Variants in TESC observed in about 807,000 individuals in gnomAD.
TESC encodes the protein tescalcin, also known as calcineurin B homologous protein 3.
In TESC, 19 loss-of-function variants were observed where a neutral mutation model predicts 31.0. The observed-to-expected ratio is 0.61, with a 90% CI of 0.43 to 0.90. The LOEUF is 0.90. TESC is among the 40% of genes least tolerant of loss of function. TESC has a pLI of 0.00. For synonymous variants in TESC, 109 were observed against 114.8 expected (o/e 0.95, Z 0.32); for missense variants, 248 against 303.8 (o/e 0.82, Z 1.36).
At chr12:117,093,422 T>C (rs1955342271) in intron 1 of TESC, among the ~76,000 whole-genome samples, 1 of 152,090 alleles carries the variant, frequency 6.6e-6, no homozygotes, top group African/African-American at 2.4e-5. Context: ...AATCCGACTC[T>C]CTTTTTTTCT....
intron 3 of TESC, among the ~76,000 whole-genome samples, chr12:117,051,184 C>T (rs888688724): frequency 3.3e-5 from 5 of 152,186 alleles, no homozygotes; most frequent in African/African-American, 1.2e-4. Context: ...ACCCAGGGCA[C>T]GACTGCACCT....
intron 3 of TESC, among the ~76,000 whole-genome samples, chr12:117,055,061 T>G (rs1163517843): frequency 6.6e-6 from 1 of 152,182 alleles, no homozygotes; most frequent in Non-Finnish European, 1.5e-5. Context: ...CTGGCCAAAG[T>G]GCACACCTCT....
chr12:117,056,813 C>A lies in TESC; in HGVS notation c.202G>T (p.Asp68Tyr), dbSNP rs1243111559. ...IRSKIVRAFFDNRNLRKGPSG... is the reference protein window; with the variant it reads ...IRSKIVRAFFYNRNLRKGPSG... ...TCAGGGGAAAACGCCCACCTGTTGTCGAAGAAGGCACGAACAATTTTGGAT... is the reference window on the plus strand; with the variant it reads ...TCAGGGGAAAACGCCCACCTGTTGTAGAAGAAGGCACGAACAATTTTGGAT... Residue 68 changes from aspartate to tyrosine, a missense_variant, in exon 3 of 8, where the codon GAC becomes TAC. Coordinates refer to ENST00000335209, the MANE Select transcript of TESC (RefSeq NM_017899.4). 5.0e-6 allele frequency: 8 copies of A among 1,613,952 alleles called. No homozygotes were observed. Among genetic ancestry groups the A allele is most frequent in the Non-Finnish European group, 6.8e-6 (8 of 1,180,010 alleles).
At chr12:117,073,178 C>T (rs924984622) in intron 2 of TESC, among the ~76,000 whole-genome samples, 3 of 152,194 alleles carry the variant, frequency 2.0e-5, no homozygotes, top group African/African-American at 7.2e-5. Flanking sequence ...CGCCCTCCAT[C>T]CCTGTCCTTG....
intron 1 of TESC, among the ~76,000 whole-genome samples, chr12:117,097,551 A>G (rs1955411912): frequency 6.6e-6 from 1 of 152,242 alleles, no homozygotes; most frequent in Non-Finnish European, 1.5e-5. Context: ...GAGAGGGCAC[A>G]TGAGAAATAA....
intron 2 of TESC, among the ~76,000 whole-genome samples, chr12:117,073,082 C>A (rs1388755784): frequency 6.6e-6 from 1 of 152,236 alleles, no homozygotes; most frequent in Non-Finnish European, 1.5e-5. Context: ...CCCGCTAGAT[C>A]TCAGTGCCTG....
At position 117,066,211 on chromosome 12, in the gene TESC, T is replaced by C. The variant is rs1254896731; in HGVS notation, c.128+9060A>G. 8.6e-4 allele frequency among the ~76,000 whole-genome samples: 113 copies of C among 130,830 alleles called. 5 individuals are homozygous for C. The highest frequency in any genetic ancestry group is 3.5e-3 in the African/African-American group (110 of 31,866). The allele number at this position is 130,830 out of a possible 152,430, so 85.8% of individuals were successfully genotyped here. ...TTTCCTTCCTTTAGCTTTTTTTTTTTTTTTTTTTTTTTTGGGGCAGGGCTT... is the reference window on the plus strand; with the variant it reads ...TTTCCTTCCTTTAGCTTTTTTTTTTCTTTTTTTTTTTTTGGGGCAGGGCTT... On this transcript the variant is annotated intron_variant, in intron 2 of 7. Transcript: ENST00000335209.
At chr12:117,093,144 T>C (rs1294313903) in intron 1 of TESC, among the ~76,000 whole-genome samples, 10 of 152,168 alleles carry the variant, frequency 6.6e-5, no homozygotes, top group African/African-American at 2.4e-4. Flanking sequence ...GCTACAGTTG[T>C]TGGGGTGCTC....
chr12:117,046,608 A>G lies in TESC; in HGVS notation c.470T>C (p.Ile157Thr), dbSNP rs1347309919. The change falls in exon 6 of 8, where the codon ATC (isoleucine) becomes ACC (threonine). Residue 157 changes from isoleucine to threonine, a missense_variant. Coordinates refer to ENST00000335209, the MANE Select transcript of TESC (RefSeq NM_017899.4). Reference protein sequence around the residue: ...PHIEKESARSIADGAMMEAAS... With the variant: ...PHIEKESARSTADGAMMEAAS... ...CGCCTCCATCATGGCCCCGTCGGCG[A>G]TGGAGCGAGCGGACTCCTTCTCGAT... 6.4e-7 allele frequency: 1 copy of G among 1,551,428 alleles called. No individual in the cohort carries two copies. The highest frequency in any genetic ancestry group is 2.0e-5 in the Admixed American group (1 of 51,030).
intron 6 of TESC, among the ~76,000 whole-genome samples, chr12:117,044,393 CCCTCCCTGCCGGG>C (rs1954526663): frequency 6.6e-6 from 1 of 152,202 alleles, no homozygotes; most frequent in Admixed American, 6.5e-5. Flanking sequence ...ACAGTGGCTG[CCCTCCCTGCCGGG>C]CCTCCCTAGG....
chr12:117,046,694 G>A (rs1362248314), intron 5 of TESC, 28 bp from the exon 6 acceptor site: 2 of 1,552,354 alleles, frequency 1.3e-6, no homozygotes, highest in South Asian at 2.4e-5. Flanking sequence ...AACAAACGGT[G>A]ACCTTGGGCC....
chr12:117,084,824 A>G (rs1955194058), intron 1 of TESC, among the ~76,000 whole-genome samples: 1 of 152,208 alleles, frequency 6.6e-6, no homozygotes, highest in Non-Finnish European at 1.5e-5. Flanking sequence ...AGGGGCATGC[A>G]CACCACTGCC....
intron 2 of TESC, among the ~76,000 whole-genome samples, chr12:117,072,524 C>T (rs956646384): frequency 2.6e-5 from 4 of 152,318 alleles, no homozygotes; most frequent in African/African-American, 9.6e-5. Flanking sequence ...AGTTGGACTC[C>T]GAAGCCTGGG....
At chr12:117,046,262 T>C (rs1212679637) in intron 6 of TESC, among the ~76,000 whole-genome samples, 1 of 152,220 alleles carries the variant, frequency 6.6e-6, no homozygotes, top group Non-Finnish European at 1.5e-5. Flanking sequence ...CAAGTGCTGC[T>C]GTGAGCACTG....
chr12:117,041,339 CTT>C (rs148886866), intron 7 of TESC, among the ~76,000 whole-genome samples: 1 of 146,924 alleles, frequency 6.8e-6, no homozygotes, highest in Non-Finnish European at 1.5e-5. Flanking sequence ...ACAACAGGGC[CTT>C]TTTTTTTTTG....
At chr12:117,059,917 C>G (rs150406180) in intron 2 of TESC, among the ~76,000 whole-genome samples, 1 of 152,266 alleles carries the variant, frequency 6.6e-6, no homozygotes, top group East Asian at 1.9e-4. Flanking sequence ...ATCCATGCCA[C>G]AGCACGGATA....
At chr12:117,080,313 C>T (rs1168261866) in intron 1 of TESC, among the ~76,000 whole-genome samples, 1 of 152,000 alleles carries the variant, frequency 6.6e-6, no homozygotes, top group African/African-American at 2.4e-5. Context: ...ACTAAAAATG[C>T]AAAAATCAGC....
intron 4 of TESC, among the ~76,000 whole-genome samples, chr12:117,047,580 A>C (rs1410961031): frequency 1.3e-5 from 2 of 151,968 alleles, no homozygotes; most frequent in African/African-American, 4.8e-5. Context: ...GCACGCCGCC[A>C]TGCCCAAGTA....
At chr12:117,051,469 C>G (rs1954646728) in intron 3 of TESC, among the ~76,000 whole-genome samples, 1 of 152,170 alleles carries the variant, frequency 6.6e-6, no homozygotes, top group Admixed American at 6.5e-5. Flanking sequence ...TCACAGGTCT[C>G]TCTTCTCTCT....
Sources: allele counts gnomAD v4.1 joint callset (sites outside exome capture counted in the v4.1 genomes callset), GRCh38; gene constraint gnomAD v4.1.1; transcripts MANE v1.5; gene names NCBI Gene and HGNC (gene_info 2026-07-23, HGNC 2026-07-21).